MYLIP: variants seen among roughly 807,000 people sequenced by gnomAD.
MYLIP encodes the protein myosin regulatory light chain interacting protein, also known as E3 ubiquitin-protein ligase MYLIP.
MYLIP carries 26 observed loss-of-function variants against 45.8 expected under a neutral mutation model. The ratio of observed to expected loss-of-function variants is 0.57; its 90% CI spans 0.42 to 0.79. MYLIP has a LOEUF of 0.79. Ranked by LOEUF, MYLIP falls within the 30% of genes least tolerant of loss-of-function variation. The pLI is 0.00. For missense variants in MYLIP, 494 were observed against 555.6 expected (o/e 0.89, Z 1.11); for synonymous variants, 213 against 218.1 (o/e 0.98, Z 0.21).
At chr6:16,132,363 T>G (rs1301968083) in intron 2 of MYLIP, among the ~76,000 whole-genome samples, 1 of 152,226 alleles carries the variant, frequency 6.6e-6, no homozygotes, top group Non-Finnish European at 1.5e-5. Flanking sequence ...AGACATTTTA[T>G]GAATTAGAAC....
Position 16,129,120 on chromosome 6 carries a change from G to C in MYLIP, c.-203G>C, listed in dbSNP as rs1443202168. 1 of 578,958 alleles carries C rather than the reference G, an allele frequency of 1.7e-6. No individual in the cohort carries two copies. The highest frequency in any genetic ancestry group is 3.0e-6 in the Non-Finnish European group (1 of 329,194). 35.9% of individuals were successfully genotyped at this position (578,958 alleles called of 1,614,324 possible). A position where few individuals can be genotyped will look rare whatever the true frequency, so the allele number is the denominator to read the frequency against. On this transcript the variant is annotated 5_prime_UTR_variant, in exon 1 of 7. Coordinates refer to ENST00000356840, the MANE Select transcript of MYLIP (RefSeq NM_013262.4). The surrounding 1 kb of genome is among the most constrained non-coding windows in gnomAD (Gnocchi z 5.1). ...GCTGGAGTGCGGCGCCACCGCGGAGGACAGGGGCAGCTGGCGGGCAGCGGG... is the reference window on the plus strand; with the variant it reads ...GCTGGAGTGCGGCGCCACCGCGGAGCACAGGGGCAGCTGGCGGGCAGCGGG...
At chr6:16,139,925 A>C (rs923316392) in intron 2 of MYLIP, among the ~76,000 whole-genome samples, 1 of 152,224 alleles carries the variant, frequency 6.6e-6, no homozygotes, top group African/African-American at 2.4e-5. Context: ...TATAGAATGC[A>C]CAAAACATTG....
At chr6:16,152,390 T>C (rs1276289183), downstream of MYLIP, among the ~76,000 whole-genome samples, 1 of 152,188 alleles carries the variant, frequency 6.6e-6, no homozygotes, top group Non-Finnish European at 1.5e-5. Context: ...GGGGCAATAT[T>C]GGCCCCCAGG....
the MYLIP span, among the ~76,000 whole-genome samples, chr6:16,162,123 T>TA: frequency 4.6e-5 from 7 of 152,382 alleles, no homozygotes; most frequent in African/African-American, 1.7e-4. Flanking sequence ...TAGGAACGTA[T>TA]TCTTTCATGG....
chr6:16,160,056 C>G, the MYLIP span, among the ~76,000 whole-genome samples: 1 of 152,208 alleles, frequency 6.6e-6, no homozygotes, highest in Non-Finnish European at 1.5e-5. Flanking sequence ...TTTGTTCATA[C>G]AAACGTGTAA....
At chr6:16,146,196 G>A (rs1192155893) in intron 6 of MYLIP, among the ~76,000 whole-genome samples, 1 of 152,218 alleles carries the variant, frequency 6.6e-6, no homozygotes, top group Non-Finnish European at 1.5e-5. Flanking sequence ...ATGTGGAGCT[G>A]CCACCTACGG....
chr6:16,133,336 A>G (rs1481507084), intron 2 of MYLIP, among the ~76,000 whole-genome samples: 2 of 152,208 alleles, frequency 1.3e-5, no homozygotes, highest in Non-Finnish European at 1.5e-5. Flanking sequence ...GTGTCTCTGA[A>G]AACAGAAAAA....
Position 16,146,867 on chromosome 6 carries a change from T to TTA in MYLIP, c.*116_*117insTA, listed in dbSNP as rs1554125793. ...CCAACACCCATCTGCCATGCGATGT[T>TTA]AAAAAAAAAAAAAAGGAAGAAAAAT... On this transcript the variant is annotated 3_prime_UTR_variant, in exon 7 of 7. Transcript: ENST00000356840. 2.0e-5 allele frequency: 12 copies of TTA among 615,120 alleles called. No homozygotes were observed. Among genetic ancestry groups the TTA allele is most frequent in the Admixed American group, 1.6e-4 (5 of 31,702 alleles). The allele number at this position is 615,120 out of a possible 1,614,324, so 38.1% of individuals were successfully genotyped here. A position where few individuals can be genotyped will look rare whatever the true frequency, so the allele number is the denominator to read the frequency against.
intron 4 of MYLIP, among the ~76,000 whole-genome samples, 183 bp from the exon 5 acceptor site, chr6:16,143,516 A>G (rs1218978019): frequency 6.6e-6 from 1 of 152,170 alleles, no homozygotes; most frequent in African/African-American, 2.4e-5. Flanking sequence ...TTCCCTCCAC[A>G]TATGCCCAAC....
At chr6:16,143,320 G>A in intron 4 of MYLIP, 103 bp downstream of exon 4, 1 of 1,157,050 alleles carries the variant, frequency 8.6e-7, no homozygotes, top group Non-Finnish European at 1.3e-6. Flanking sequence ...TCAGCTCTTA[G>A]GAATGAAAGA....
rs1037386972 is a variant in MYLIP, at chr6:16,129,220, G to C, written c.-103G>C. 4 of 1,266,576 alleles carry C rather than the reference G, an allele frequency of 3.2e-6. No homozygotes were observed. The highest frequency in any genetic ancestry group is 4.4e-6 in the Non-Finnish European group (4 of 904,762). 78.5% of individuals were successfully genotyped at this position (1,266,576 alleles called of 1,614,324 possible). A position where few individuals can be genotyped will look rare whatever the true frequency, so the allele number is the denominator to read the frequency against. On this transcript the variant is annotated 5_prime_UTR_variant, in exon 1 of 7. Coordinates refer to ENST00000356840, the MANE Select transcript of MYLIP (RefSeq NM_013262.4). This position sits in a 1 kb window ranked among gnomAD's most constrained non-coding sequence, Gnocchi z 5.1. ...GTCCGCAGAGCTGCAGCCTTCGAGG[G>C]CCAGCCCTCTCCGAGTCCGGGGCTG... is the stretch of plus-strand genomic sequence containing the variant.
downstream of MYLIP, among the ~76,000 whole-genome samples, chr6:16,151,206 A>C (rs1486106428): frequency 6.6e-6 from 1 of 151,698 alleles, no homozygotes; most frequent in Admixed American, 6.6e-5. Flanking sequence ...AAATACAAAA[A>C]ATCAGCCAGG....
the MYLIP span, among the ~76,000 whole-genome samples, chr6:16,153,500 TC>T: frequency 6.6e-6 from 1 of 152,222 alleles, no homozygotes; most frequent in Non-Finnish European, 1.5e-5. Context: ...GAGATAGGCT[TC>T]TTAATAAAGA....
At chr6:16,150,660 GGGCCAAAAGA>G (rs1759867243), downstream of MYLIP, among the ~76,000 whole-genome samples, 1 of 152,068 alleles carries the variant, frequency 6.6e-6, no homozygotes, top group South Asian at 2.1e-4. Context: ...TTCAGCTAAG[GGGCCAAAAGA>G]GGAATAAATG....
At chr6:16,137,343 C>T (rs1369267087) in intron 2 of MYLIP, among the ~76,000 whole-genome samples, 3 of 152,076 alleles carry the variant, frequency 2.0e-5, no homozygotes, top group Admixed American at 6.6e-5. Context: ...TGATGATCAC[C>T]GTGGGTTCTG....
chr6:16,138,570 C>G (rs759291263), intron 2 of MYLIP, among the ~76,000 whole-genome samples: 3 of 152,110 alleles, frequency 2.0e-5, no homozygotes, highest in Non-Finnish European at 4.4e-5. Context: ...ACTTGTCACC[C>G]AAAAGCTAGA....
chr6:16,151,380 A>G (rs1428839839), downstream of MYLIP, among the ~76,000 whole-genome samples: 2 of 151,930 alleles, frequency 1.3e-5, no homozygotes, highest in Non-Finnish European at 2.9e-5. Flanking sequence ...AAAAAGAAAA[A>G]GAAAAAGTGC....
rs1328276711 is a variant in MYLIP at position 16,147,745 on chromosome 6, G to C, written c.*994G>C. The C allele has an allele frequency of 1.4e-5, 2 of 146,332 alleles. No individual in the cohort carries two copies. The highest frequency in any genetic ancestry group is 7.2e-5 in the Admixed American group (1 of 13,910). 9.1% of individuals were successfully genotyped at this position (146,332 alleles called of 1,614,324 possible). ...AGATATGGTGTCCTTTTCTGTTTTTGGGGGGGGAGTTTTGTTGTGTTTTTT... is the reference window on the plus strand; with the variant it reads ...AGATATGGTGTCCTTTTCTGTTTTTCGGGGGGGAGTTTTGTTGTGTTTTTT... On this transcript the variant is annotated 3_prime_UTR_variant, in exon 7 of 7. Transcript: ENST00000356840.
At position 16,129,232 on chromosome 6, in the gene MYLIP, C is replaced by T; in HGVS notation, c.-91C>T. ...GCAGCCTTCGAGGGCCAGCCCTCTCCGAGTCCGGGGCTGGGTCCCACCAGT... is the reference window on the plus strand; with the variant it reads ...GCAGCCTTCGAGGGCCAGCCCTCTCTGAGTCCGGGGCTGGGTCCCACCAGT... On this transcript the variant is annotated 5_prime_UTR_variant, in exon 1 of 7. Transcript: ENST00000356840. This position sits in a 1 kb window ranked among gnomAD's most constrained non-coding sequence, Gnocchi z 5.1. The T allele has an allele frequency of 7.2e-7, 1 of 1,386,940 alleles. No individual in the cohort carries two copies. The highest frequency in any genetic ancestry group is 9.9e-7 in the Non-Finnish European group (1 of 1,009,112). The allele number at this position is 1,386,940 out of a possible 1,614,324, so 85.9% of individuals were successfully genotyped here.
Sources: allele counts gnomAD v4.1 joint callset (sites outside exome capture counted in the v4.1 genomes callset), GRCh38; gene constraint gnomAD v4.1.1; non-coding constraint Gnocchi (gnomAD v3.1); transcripts MANE v1.5; gene names NCBI Gene and HGNC (gene_info 2026-07-23, HGNC 2026-07-21).